The following B3GALT1 variants were observed in gnomAD, a reference collection of about 807,000 sequenced individuals.
B3GALT1 encodes the protein beta-1,3-galactosyltransferase 1.
Under a neutral mutation model 23.2 loss-of-function variants are expected in B3GALT1, and 10 were observed. That is an observed-to-expected ratio of 0.43 (90% CI 0.27 to 0.73). The LOEUF (loss-of-function observed/expected upper bound fraction) is 0.73, where lower values mean the gene tolerates loss of function less well. B3GALT1 is among the 30% of genes least tolerant of loss of function. The pLI is 0.21. For synonymous variants in B3GALT1, 156 were observed against 141.5 expected (o/e 1.10, Z -0.73); for missense variants, 299 against 405.4 (o/e 0.74, Z 2.25).
At chr2:167,667,138 C>A (rs951436209) in intron 3 of B3GALT1, among the ~76,000 whole-genome samples, 1 of 151,988 alleles carries the variant, frequency 6.6e-6, no homozygotes, top group African/African-American at 2.4e-5. Flanking sequence ...TCTTTTAGGG[C>A]AGGCCTGGTG....
chr2:167,732,990 G>A (rs896686910), intron 3 of B3GALT1, among the ~76,000 whole-genome samples: 6 of 152,040 alleles, frequency 3.9e-5, no homozygotes, highest in African/African-American at 7.2e-5. Context: ...TCCATTTTAC[G>A]CTGAAAGAAA....
chr2:167,828,005 A>T (rs1689265307), intron 4 of B3GALT1, among the ~76,000 whole-genome samples: 1 of 152,150 alleles, frequency 6.6e-6, no homozygotes, highest in African/African-American at 2.4e-5. Context: ...TAAGCTCTCT[A>T]AGAACACACA....
Position 167,868,897 on chromosome 2 carries a change from G to GT in B3GALT1, c.-143_-142insT. On this transcript the variant is annotated 5_prime_UTR_variant, in exon 5 of 5. It removes the in-frame stop codon of an upstream open reading frame in the 5' UTR. Coordinates refer to ENST00000392690, the MANE Select transcript of B3GALT1 (RefSeq NM_020981.4). ...AGCGCAGAGGTGACAGACAGCCACTGAGGCCCATGGACAATCTCCACCTCA... is the reference window on the plus strand; with the variant it reads ...AGCGCAGAGGTGACAGACAGCCACTGTAGGCCCATGGACAATCTCCACCTCA... 3.2e-6 allele frequency: 3 copies of GT among 950,166 alleles called. No homozygotes were observed. Among genetic ancestry groups the GT allele is most frequent in the Non-Finnish European group, 4.7e-6 (3 of 642,568 alleles). 58.9% of individuals were successfully genotyped at this position (950,166 alleles called of 1,614,324 possible). A position where few individuals can be genotyped will look rare whatever the true frequency, so the allele number is the denominator to read the frequency against.
At chr2:167,356,821 A>T (rs1478332640) in intron 1 of B3GALT1, among the ~76,000 whole-genome samples, 1 of 151,980 alleles carries the variant, frequency 6.6e-6, no homozygotes, top group South Asian at 2.1e-4. Flanking sequence ...AGACAGCAAC[A>T]TATTGTTAGT....
At chr2:167,683,746 A>AACAC (rs369993410) in intron 3 of B3GALT1, among the ~76,000 whole-genome samples, 38 of 150,808 alleles carry the variant, frequency 2.5e-4, no homozygotes, top group African/African-American at 7.8e-4. Flanking sequence ...TTAAAAAGAA[A>AACAC]ACACACACAC....
chr2:167,684,034 A>G (rs140794116), intron 3 of B3GALT1, among the ~76,000 whole-genome samples: 1,572 of 152,264 alleles, frequency 0.01, 11 homozygotes, highest in Non-Finnish European at 0.017. Context: ...TCTGTCTTCT[A>G]CTACCTAGGT....
intron 1 of B3GALT1, among the ~76,000 whole-genome samples, chr2:167,365,158 G>A (rs1337329433): frequency 6.6e-6 from 1 of 152,138 alleles, no homozygotes; most frequent in East Asian, 1.9e-4. Context: ...GGGTTTCTCA[G>A]AATGAATTAC....
At chr2:167,680,787 T>C (rs926466192) in intron 3 of B3GALT1, among the ~76,000 whole-genome samples, 4 of 152,192 alleles carry the variant, frequency 2.6e-5, no homozygotes, top group African/African-American at 7.2e-5. Context: ...TTTTTTTTAT[T>C]TCAAAGAACT....
intron 4 of B3GALT1, among the ~76,000 whole-genome samples, chr2:167,838,590 C>G (rs975364854): frequency 2.3e-3 from 347 of 152,346 alleles, no homozygotes; most frequent in Non-Finnish European, 4.0e-3. Context: ...CCGAATTCTA[C>G]CAGAGGTACA....
chr2:167,642,065 C>T (rs1685661767), intron 2 of B3GALT1, among the ~76,000 whole-genome samples: 1 of 152,164 alleles, frequency 6.6e-6, no homozygotes, highest in South Asian at 2.1e-4. Context: ...ATCACTCAGT[C>T]CATCTCTGTT....
intron 1 of B3GALT1, among the ~76,000 whole-genome samples, chr2:167,447,860 T>C (rs139349108): frequency 0.017 from 2,644 of 152,086 alleles, 83 homozygotes; most frequent in African/African-American, 0.061. Flanking sequence ...GTGGGCTGCA[T>C]CCACTGTCTG....
intron 3 of B3GALT1, among the ~76,000 whole-genome samples, chr2:167,818,128 G>A (rs836719): frequency 0.4 from 60,131 of 152,094 alleles, 13,293 homozygotes; most frequent in East Asian, 0.67. Flanking sequence ...GACCCCTCAC[G>A]TGGACTTTGG....
At chr2:167,532,986 A>G (rs1354756803) in intron 2 of B3GALT1, among the ~76,000 whole-genome samples, 1 of 150,824 alleles carries the variant, frequency 6.6e-6, no homozygotes, top group African/African-American at 2.4e-5. Flanking sequence ...CTCAGCCTCC[A>G]GAATAGCTGA....
At chr2:167,642,983 T>G (rs1019909584) in intron 2 of B3GALT1, among the ~76,000 whole-genome samples, 11 of 152,132 alleles carry the variant, frequency 7.2e-5, no homozygotes, top group African/African-American at 2.7e-4. Context: ...ACAAAAAAAC[T>G]AAGACCATAG....
At position 167,664,941 on chromosome 2, in the gene B3GALT1, G is replaced by C. The variant is rs1156411331; in HGVS notation, c.-352+17975G>C. Among the ~76,000 whole-genome samples the C allele has an allele frequency of 8.0e-5, 12 of 149,962 alleles. No individual in the cohort carries two copies. In the East Asian group the frequency reaches 1.8e-3, roughly 22 times the overall value. ...AATTTGACTTCCTCTTTTCCTAATT[G>C]AATACCCTTTATTTCCTTCTCCTGC... On this transcript the variant is annotated intron_variant, in intron 3 of 4. Transcript: ENST00000392690.
chr2:167,381,574 G>A (rs1413893556), intron 1 of B3GALT1, among the ~76,000 whole-genome samples: 1 of 152,140 alleles, frequency 6.6e-6, no homozygotes, highest in Non-Finnish European at 1.5e-5. Context: ...TGATTCTAAT[G>A]TGCAGCCAAG....
chr2:167,628,766 C>G (rs1293866001), intron 2 of B3GALT1, among the ~76,000 whole-genome samples: 2 of 151,664 alleles, frequency 1.3e-5, no homozygotes, highest in East Asian at 1.9e-4. Flanking sequence ...CGGGAGCAAG[C>G]TGTCAGGCTT....
intron 1 of B3GALT1, among the ~76,000 whole-genome samples, chr2:167,294,320 T>TA (rs1304937445): frequency 6.6e-6 from 1 of 152,234 alleles, no homozygotes; most frequent in Non-Finnish European, 1.5e-5. Flanking sequence ...TAGGACACGT[T>TA]AACCACGCAG....
chr2:167,669,989 C>A (rs1165063081), intron 3 of B3GALT1, among the ~76,000 whole-genome samples: 2 of 152,208 alleles, frequency 1.3e-5, no homozygotes. Flanking sequence ...ATTCTAACTA[C>A]CTGAGAGACT....
Sources: gnomAD v4.1 joint callset for allele counts (sites outside exome capture counted in the v4.1 genomes callset) on GRCh38, gnomAD v4.1.1 for gene constraint, MANE v1.5 for transcripts, NCBI Gene and HGNC (gene_info 2026-07-23, HGNC 2026-07-21) for gene names.